PRDM15: variants seen among roughly 807,000 people sequenced by gnomAD.
PRDM15 encodes PR/SET domain 15.
A neutral mutation model predicts 128.6 loss-of-function variants in PRDM15; 64 were observed. The observed-to-expected ratio is 0.50, with a 90% confidence interval of 0.41 to 0.61. PRDM15 has a LOEUF of 0.61. PRDM15 is among the 20% of genes least tolerant of loss of function. PRDM15 has a pLI of 0.00. For synonymous variants in PRDM15, 615 were observed against 621.8 expected, an observed-to-expected ratio of 0.99 and a Z score of 0.16; for missense variants, 1,242 against 1,569.1, an observed-to-expected ratio of 0.79 and a Z score of 3.52.
At chr21:41,863,990 C>T (rs897808049) in intron 1 of PRDM15, among the ~76,000 whole-genome samples, 3 of 152,084 alleles carry the variant, frequency 2.0e-5, no homozygotes, top group South Asian at 2.1e-4. Flanking sequence ...ATTACAGGCA[C>T]GTGCCACCAC....
chr21:41,856,490 C>T (rs2063639267), intron 4 of PRDM15, among the ~76,000 whole-genome samples: 2 of 151,644 alleles, frequency 1.3e-5, no homozygotes, highest in African/African-American at 4.9e-5. Context: ...CAACCCATTC[C>T]TCATTTGTTT....
Position 41,800,887 on chromosome 21 carries a change from G to A in PRDM15, c.*353C>T, listed in dbSNP as rs1568864119. The A allele has an allele frequency of 4.1e-6, 1 of 243,728 alleles. No individual in the cohort carries two copies. Among genetic ancestry groups the A allele is most frequent in the Non-Finnish European group, 7.8e-6 (1 of 128,078 alleles). 15.1% of individuals were successfully genotyped at this position (243,728 alleles called of 1,614,324 possible). On this transcript the variant is annotated 3_prime_UTR_variant, in exon 24 of 24. Coordinates refer to ENST00000398548, the MANE Select transcript of PRDM15 (RefSeq NM_001040424.3). ...TTGTGTTCCTAATAACTTATCTCCT[G>A]CCTCTTAAAATCCTGCTTCTCTCTC... is the stretch of plus-strand genomic sequence containing the variant.
chr21:41,814,491 G>A (rs550466739), intron 19 of PRDM15: 11 of 134,576 alleles, frequency 8.2e-5, no homozygotes, highest in African/African-American at 3.1e-4. Context: ...AGTGTGTTAT[G>A]AGAATGCCTC....
intron 10 of PRDM15, 42 bp downstream of exon 10, chr21:41,836,071 C>A: frequency 1.4e-6 from 2 of 1,387,132 alleles, no homozygotes; most frequent in Non-Finnish European, 2.0e-6. Context: ...TCTGTGTTGT[C>A]CACACAACTG....
At chr21:41,817,359 T>C (rs2146343518) in intron 18 of PRDM15, among the ~76,000 whole-genome samples, 1 of 152,306 alleles carries the variant, frequency 6.6e-6, no homozygotes, top group South Asian at 2.1e-4. Flanking sequence ...GCCCATGATG[T>C]GATTCTGAAC....
Position 41,821,191 on chromosome 21 carries a change from T to C in PRDM15, c.1936A>G (p.Met646Val), listed in dbSNP as rs769675522. ...TAGCCCTTCTCCTTGTGCACCTCCA[T>C]GATGTGCTTCAGGTACTCCTTCCCC... ...GRGKEYLKHIMEVHKEKGYGC... is the reference protein window; with the variant it reads ...GRGKEYLKHIVEVHKEKGYGC... Residue 646 changes from methionine to valine, a missense_variant, in exon 16 of 24, where the codon ATG becomes GTG. Around this residue, in one of 3 missense-constraint regions of PRDM15, gnomAD observed 602 missense variants for 788.3 expected, o/e 0.76. Coordinates refer to ENST00000398548, the MANE Select transcript of PRDM15 (RefSeq NM_001040424.3). The surrounding 1 kb of genome is among the most constrained non-coding windows in gnomAD (Gnocchi z 5.4). 1 of 1,614,168 alleles carries C rather than the reference T, an allele frequency of 6.2e-7. No individual in the cohort carries two copies. The highest frequency in any genetic ancestry group is 1.1e-5 in the South Asian group (1 of 91,072).
Position 41,862,666 on chromosome 21 carries a change from G to A in PRDM15, c.-9-2294C>T, listed in dbSNP as rs9974678. ...GGCTCCTCTGGGCCCAAGATCAGAG[G>A]CCACAGCCACCCTGGGCTGCAGATC... On this transcript the variant is annotated intron_variant, in intron 1 of 23. Coordinates refer to ENST00000398548, the MANE Select transcript of PRDM15 (RefSeq NM_001040424.3). The surrounding 1 kb of genome is among the most constrained non-coding windows in gnomAD (Gnocchi z 4.1). Among the ~76,000 whole-genome samples the A allele has an allele frequency of 0.61, 92,972 of 152,010 alleles. 28,665 individuals carry two copies. Among genetic ancestry groups the A allele is most frequent in the African/African-American group, 0.63 (26,198 of 41,458 alleles).
intron 1 of PRDM15, among the ~76,000 whole-genome samples, chr21:41,868,888 C>A (rs1016930798): frequency 1.3e-5 from 2 of 152,042 alleles, no homozygotes; most frequent in Non-Finnish European, 2.9e-5. Flanking sequence ...TGGGGTTTCA[C>A]CATGTTGGCC....
intron 13 of PRDM15, among the ~76,000 whole-genome samples, chr21:41,825,503 T>C (rs2062437141): frequency 6.6e-6 from 1 of 152,224 alleles, no homozygotes; most frequent in African/African-American, 2.4e-5. Context: ...TGGGAGCACC[T>C]GCCATGGGAT....
chr21:41,877,272 C>T (rs555013142), intron 1 of PRDM15: 1 of 152,722 alleles, frequency 6.5e-6, no homozygotes, highest in East Asian at 1.9e-4. Flanking sequence ...ATCGTCTTAC[C>T]TGAGAGTTTT....
chr21:41,878,302 T>C (rs767045033), intron 1 of PRDM15, among the ~76,000 whole-genome samples: 1 of 152,224 alleles, frequency 6.6e-6, no homozygotes, highest in South Asian at 2.1e-4. Context: ...TTCTACCGTT[T>C]TAAACTCCCT....
chr21:41,840,160 T>C (rs2063029835), intron 6 of PRDM15, among the ~76,000 whole-genome samples: 1 of 152,126 alleles, frequency 6.6e-6, no homozygotes, highest in Non-Finnish European at 1.5e-5. Flanking sequence ...AAAATATGAA[T>C]GTGTCCAGGC....
intron 1 of PRDM15, chr21:41,871,829 C>A (rs917897573): frequency 1.9e-6 from 1 of 537,966 alleles, no homozygotes; most frequent in Non-Finnish European, 3.3e-6. Flanking sequence ...CGTGCAGACA[C>A]AGGGGTGCTC....
chr21:41,803,999 C>T (rs2061489866), intron 22 of PRDM15, among the ~76,000 whole-genome samples: 1 of 138,084 alleles, frequency 7.2e-6, no homozygotes, highest in Admixed American at 7.7e-5. Flanking sequence ...CAGTCTCGCT[C>T]TGTTGCCTGG....
Position 41,835,431 on chromosome 21 carries a change from C to T in PRDM15, c.1366+6G>A. The T allele has an allele frequency of 6.2e-7, 1 of 1,605,106 alleles. No individual in the cohort carries two copies. The highest frequency in any genetic ancestry group is 8.5e-7 in the Non-Finnish European group (1 of 1,177,576). On this transcript the variant is annotated splice_donor_region_variant and intron_variant, in intron 11 of 23. Transcript: ENST00000398548. ...GGCCGAGGGGAGACGTGACCGGCGC[C>T]CTCACCTGTCCTGCAGTTGTGGAAC...
At chr21:41,864,088 C>T (rs1441762101) in intron 1 of PRDM15, among the ~76,000 whole-genome samples, 1 of 152,140 alleles carries the variant, frequency 6.6e-6, no homozygotes, top group African/African-American at 2.4e-5. Context: ...GTGATCTGCC[C>T]ACCTCGGCCT....
intron 1 of PRDM15, among the ~76,000 whole-genome samples, chr21:41,866,745 T>C (rs1210049413): frequency 6.6e-6 from 1 of 152,138 alleles, no homozygotes; most frequent in Non-Finnish European, 1.5e-5. Flanking sequence ...GGGCTGTTCA[T>C]TTGGGGCAGC....
Position 41,829,652 on chromosome 21 carries a change from T to TCG in PRDM15, c.1367-1320_1367-1319insCG, listed in dbSNP as rs2062613554. Among the ~76,000 whole-genome samples, 27 of 146,772 alleles carry TCG rather than the reference T, an allele frequency of 1.8e-4. No individual in the cohort carries two copies. The East Asian group carries it at 5.3e-3, about 29-fold the overall frequency. The stretch of plus-strand genomic sequence containing the variant: ...GCACTCAATACACACCACAAATACA[T>TCG]TCAACACATACCACACATACACCCC... On this transcript the variant is annotated intron_variant, in intron 11 of 23. Coordinates refer to ENST00000398548, the MANE Select transcript of PRDM15 (RefSeq NM_001040424.3).
chr21:41,824,415 T>G (rs2062394490), intron 13 of PRDM15, among the ~76,000 whole-genome samples: 1 of 152,148 alleles, frequency 6.6e-6, no homozygotes, highest in Non-Finnish European at 1.5e-5. Context: ...AACTAATAAC[T>G]GGAAACAACA....
Sources: allele counts gnomAD v4.1 joint callset (sites outside exome capture counted in the v4.1 genomes callset), GRCh38; gene constraint gnomAD v4.1.1; regional missense constraint gnomAD v4.1.1; non-coding constraint Gnocchi (gnomAD v3.1); transcripts MANE v1.5; gene names NCBI Gene and HGNC (gene_info 2026-07-23, HGNC 2026-07-21).